PACSIN2: variants seen among roughly 807,000 people sequenced by gnomAD.
The protein encoded by PACSIN2 is protein kinase C and casein kinase substrate in neurons 2.
Under a neutral mutation model 63.8 loss-of-function variants are expected in PACSIN2, and 25 were observed. That is an observed-to-expected ratio of 0.39 (90% confidence interval 0.29 to 0.55). The LOEUF is 0.55. Among genes scored for constraint, PACSIN2 ranks in the 20% least tolerant of loss-of-function variants. The pLI, the probability that PACSIN2 is intolerant of heterozygous loss-of-function variation, is 0.62. For synonymous variants in PACSIN2, 255 were observed against 256.2 expected (o/e 1.00, Z 0.05); for missense variants, 518 against 646.9 (o/e 0.80, Z 2.16).
chr22:42,977,392 G>A (rs1002797200), intron 1 of PACSIN2, among the ~76,000 whole-genome samples: 1 of 151,896 alleles, frequency 6.6e-6, no homozygotes, highest in Non-Finnish European at 1.5e-5. Flanking sequence ...ATTCACAGAA[G>A]AAAAAATAAA....
intron 3 of PACSIN2, among the ~76,000 whole-genome samples, chr22:42,893,189 G>T (rs569334299): frequency 6.6e-6 from 1 of 152,342 alleles, no homozygotes; most frequent in Admixed American, 6.5e-5. Context: ...AGTTAACTCG[G>T]CAAGTGCAAG....
intron 2 of PACSIN2, among the ~76,000 whole-genome samples, chr22:42,895,248 T>C (rs1015648329): frequency 6.6e-6 from 1 of 152,220 alleles, no homozygotes; most frequent in African/African-American, 2.4e-5. Context: ...AGTGACATTA[T>C]GTGGTTGCTT....
chr22:42,927,942 C>A (rs1932644489), intron 1 of PACSIN2, among the ~76,000 whole-genome samples: 2 of 152,132 alleles, frequency 1.3e-5, no homozygotes, highest in Non-Finnish European at 2.9e-5. Flanking sequence ...CTCCACTGAG[C>A]CGAGCCCTCA....
intron 1 of PACSIN2, among the ~76,000 whole-genome samples, chr22:42,965,797 A>AC: frequency 6.6e-6 from 1 of 152,336 alleles, no homozygotes; most frequent in African/African-American, 2.4e-5. Context: ...GGTGTCAGCA[A>AC]TAGGTTTCAA....
intron 1 of PACSIN2, among the ~76,000 whole-genome samples, chr22:42,957,047 T>C (rs1224448954): frequency 6.6e-6 from 1 of 152,164 alleles, no homozygotes; most frequent in Non-Finnish European, 1.5e-5. Flanking sequence ...AACTAAATTA[T>C]GGGAGAAGCG....
intron 6 of PACSIN2, among the ~76,000 whole-genome samples, chr22:42,883,469 A>G (rs1929228133): frequency 6.6e-6 from 1 of 152,256 alleles, no homozygotes; most frequent in South Asian, 2.1e-4. Context: ...ACAGTAATCC[A>G]CGTCCTTGAC....
At chr22:42,988,160 A>G (rs1258517519) in intron 1 of PACSIN2, among the ~76,000 whole-genome samples, 1 of 152,190 alleles carries the variant, frequency 6.6e-6, no homozygotes, top group African/African-American at 2.4e-5. Flanking sequence ...ATAAATACAT[A>G]AATGCCTGTT....
chr22:42,920,642 G>C (rs927841667), intron 1 of PACSIN2, among the ~76,000 whole-genome samples: 14 of 152,096 alleles, frequency 9.2e-5, no homozygotes, highest in African/African-American at 2.7e-4. Flanking sequence ...TGCTGGAAGA[G>C]AGCAGCCAGG....
Position 42,967,197 on chromosome 22 carries a change from T to C in PACSIN2, c.-78+47824A>G, listed in dbSNP as rs143909586. ...GAAGATGCCCAGGAAGGCTGGACTC[T>C]GAGCTGAATCACGTAAACAAGGGCC... On this transcript the variant is annotated intron_variant, in intron 1 of 10. Transcript: ENST00000263246. 2.1e-3 allele frequency among the ~76,000 whole-genome samples: 327 copies of C among 152,186 alleles called. 1 individual carries two copies. Among genetic ancestry groups the C allele is most frequent in the Non-Finnish European group, 3.9e-3 (265 of 68,014 alleles).
At chr22:42,925,956 C>T (rs2146761037) in intron 1 of PACSIN2, among the ~76,000 whole-genome samples, 1 of 152,308 alleles carries the variant, frequency 6.6e-6, no homozygotes, top group East Asian at 1.9e-4. Context: ...AATGGGGTCT[C>T]TTGCTTGTCT....
At position 42,988,521 on chromosome 22, in the gene PACSIN2, A is replaced by C. The variant is rs1922790998; in HGVS notation, c.-78+26500T>G. On this transcript the variant is annotated intron_variant, in intron 1 of 10. Coordinates refer to ENST00000263246, the MANE Select transcript of PACSIN2 (RefSeq NM_001184970.3). ...ATCTGGTTCAAATTCAGCAACCTGT[A>C]GAAGTCCAGGCTTAGGGTCCACTGG... is the stretch of plus-strand genomic sequence containing the variant. Among the ~76,000 whole-genome samples the C allele has an allele frequency of 2.0e-5, 3 of 152,256 alleles. No homozygotes were observed. In the South Asian group the frequency reaches 6.2e-4, roughly 31 times the overall value.
At chr22:42,882,801 G>A (rs894859543) in intron 6 of PACSIN2, among the ~76,000 whole-genome samples, 2 of 152,056 alleles carry the variant, frequency 1.3e-5, no homozygotes, top group Admixed American at 6.5e-5. Context: ...AGCCATCATC[G>A]GCTCACCTTC....
intron 1 of PACSIN2, among the ~76,000 whole-genome samples, chr22:42,945,622 C>G (rs1259873453): frequency 6.6e-6 from 1 of 152,154 alleles, no homozygotes; most frequent in Admixed American, 6.5e-5. Context: ...CCACACCCAA[C>G]CCCCCTCACC....
chr22:42,967,221 C>T (rs565951821), intron 1 of PACSIN2, among the ~76,000 whole-genome samples: 1 of 152,208 alleles, frequency 6.6e-6, no homozygotes, highest in East Asian at 1.9e-4. Context: ...TAAACAAGGG[C>T]CGTGTCCTGC....
intron 1 of PACSIN2, among the ~76,000 whole-genome samples, chr22:42,982,190 G>A (rs1399220440): frequency 7.0e-5 from 7 of 100,618 alleles, no homozygotes; most frequent in Middle Eastern, 6.4e-3. Context: ...CTGCCCGGCC[G>A]CCCCTACTGG....
chr22:42,938,372 T>C lies in PACSIN2; in HGVS notation c.-77-26215A>G, dbSNP rs542460369. On this transcript the variant is annotated intron_variant, in intron 1 of 10. Coordinates refer to ENST00000263246, the MANE Select transcript of PACSIN2 (RefSeq NM_001184970.3). The stretch of plus-strand genomic sequence containing the variant: ...CTGAAGAAGAAAGGGAAGCCCCTGA[T>C]GCAGAAACTGCATAAGGAATCCTCC... Among the ~76,000 whole-genome samples, 12 of 152,328 alleles carry C rather than the reference T, an allele frequency of 7.9e-5. No individual in the cohort carries two copies. The South Asian group carries it at 2.3e-3, about 29-fold the overall frequency.
chr22:42,940,790 G>A (rs1165298563), intron 1 of PACSIN2, among the ~76,000 whole-genome samples: 1 of 152,242 alleles, frequency 6.6e-6, no homozygotes. Flanking sequence ...AGACCCAAAT[G>A]TGTCTGTCAA....
intron 1 of PACSIN2, among the ~76,000 whole-genome samples, chr22:42,989,431 G>A (rs1263150433): frequency 6.6e-6 from 1 of 151,324 alleles, no homozygotes; most frequent in African/African-American, 2.4e-5. Context: ...CTGGGAGGTG[G>A]AGGTTGCAGT....
chr22:42,925,782 T>G (rs1042193245), intron 1 of PACSIN2, among the ~76,000 whole-genome samples: 1 of 152,196 alleles, frequency 6.6e-6, no homozygotes, highest in Non-Finnish European at 1.5e-5. Context: ...GCAACCACGG[T>G]TGGGGGCTGT....
Sources: allele counts gnomAD v4.1 joint callset (sites outside exome capture counted in the v4.1 genomes callset), GRCh38; gene constraint gnomAD v4.1.1; transcripts MANE v1.5; gene names NCBI Gene and HGNC (gene_info 2026-07-23, HGNC 2026-07-21).